The following LRMDA variants were observed in gnomAD, a reference collection of about 807,000 sequenced individuals.
LRMDA encodes leucine rich melanocyte differentiation associated.
Under a neutral mutation model 29.8 loss-of-function variants are expected in LRMDA, and 18 were observed. That is an observed-to-expected ratio of 0.60 (90% CI 0.42 to 0.90). The LOEUF (loss-of-function observed/expected upper bound fraction) is 0.90. Ranked by LOEUF, LRMDA falls within the 40% of genes least tolerant of loss-of-function variation. The pLI is 0.00. For missense variants in LRMDA, 273 were observed against 273.9 expected (o/e 1.00, Z 0.02); for synonymous variants, 125 against 109.4 (o/e 1.14, Z -0.89).
At chr10:75,514,422 T>A (rs1160473961) in intron 2 of LRMDA, among the ~76,000 whole-genome samples, 1 of 152,046 alleles carries the variant, frequency 6.6e-6, no homozygotes. Context: ...TTGAAGAGGC[T>A]GGAGCAGTGG....
intron 2 of LRMDA, among the ~76,000 whole-genome samples, chr10:75,793,172 A>G (rs189849201): frequency 1.3e-5 from 2 of 152,322 alleles, no homozygotes; most frequent in East Asian, 1.9e-4. Context: ...GCCTGACACA[A>G]TTGAGCTGGT....
At chr10:75,595,474 C>T (rs180748860) in intron 2 of LRMDA, among the ~76,000 whole-genome samples, 180 of 151,518 alleles carry the variant, frequency 1.2e-3, no homozygotes, top group African/African-American at 4.2e-3. Context: ...ATGTTTTGGG[C>T]CAGAGTCTTC....
intron 2 of LRMDA, among the ~76,000 whole-genome samples, chr10:75,872,431 G>A (rs567997591): frequency 1.3e-5 from 2 of 152,154 alleles, no homozygotes; most frequent in African/African-American, 2.4e-5. Context: ...AGCCTCCCGC[G>A]TAGCTGGGAC....
intron 2 of LRMDA, among the ~76,000 whole-genome samples, chr10:75,826,255 A>T (rs988919695): frequency 6.6e-6 from 1 of 152,058 alleles, no homozygotes; most frequent in Non-Finnish European, 1.5e-5. Context: ...GGAGTCTCAA[A>T]AAGGTTAATG....
chr10:75,566,694 C>T (rs1171557977), intron 2 of LRMDA, among the ~76,000 whole-genome samples: 1 of 152,054 alleles, frequency 6.6e-6, no homozygotes, highest in Admixed American at 6.6e-5. Context: ...TTTCTGGCTG[C>T]TTTTTTTCTT....
intron 6 of LRMDA, among the ~76,000 whole-genome samples, chr10:76,388,476 G>GAGGAT (rs2132480507): frequency 6.6e-6 from 1 of 152,340 alleles, no homozygotes; most frequent in African/African-American, 2.4e-5. Context: ...ACCCACAGAT[G>GAGGAT]AGGATTTCTA....
chr10:75,913,410 C>T (rs910646129), intron 2 of LRMDA, among the ~76,000 whole-genome samples: 2 of 151,946 alleles, frequency 1.3e-5, no homozygotes, highest in East Asian at 1.9e-4. Context: ...GAGCCAAGAT[C>T]GCGCCACTGC....
intron 2 of LRMDA, among the ~76,000 whole-genome samples, chr10:75,840,903 T>G (rs184724516): frequency 2.1e-4 from 32 of 152,386 alleles, no homozygotes; most frequent in Admixed American, 2.0e-3. Flanking sequence ...CCATGGCAGC[T>G]GTCTGCCTAT....
At chr10:75,914,179 A>G (rs1845892266) in intron 2 of LRMDA, among the ~76,000 whole-genome samples, 1 of 152,244 alleles carries the variant, frequency 6.6e-6, no homozygotes, top group Admixed American at 6.5e-5. Context: ...AAACACATGC[A>G]ACGCATACTT....
At chr10:75,504,907 A>T (rs1227189921) in intron 2 of LRMDA, among the ~76,000 whole-genome samples, 1 of 152,134 alleles carries the variant, frequency 6.6e-6, no homozygotes, top group East Asian at 1.9e-4. Flanking sequence ...CTGGCTACAG[A>T]GTGGATAAAT....
chr10:75,564,651 G>C (rs1467293875), intron 2 of LRMDA, among the ~76,000 whole-genome samples: 1 of 152,170 alleles, frequency 6.6e-6, no homozygotes, highest in Non-Finnish European at 1.5e-5. Context: ...CTGTAGACCG[G>C]AGCTGTTCCT....
chr10:75,827,954 A>T lies in LRMDA; in HGVS notation c.132-208054A>T, dbSNP rs115576843. Reference sequence around the variant, plus strand: ...GTCTGGGCTTTCTGAGAACTACAGCATAAGAGCCGGCATTGCTGATGGGCA... The same window carrying T: ...GTCTGGGCTTTCTGAGAACTACAGCTTAAGAGCCGGCATTGCTGATGGGCA... On this transcript the variant is annotated intron_variant, in intron 2 of 6. Coordinates refer to ENST00000611255, the MANE Select transcript of LRMDA (RefSeq NM_001305581.2). 3.6e-3 allele frequency among the ~76,000 whole-genome samples: 552 copies of T among 152,292 alleles called. 4 individuals are homozygous for T. The highest frequency in any genetic ancestry group is 0.013 in the African/African-American group (525 of 41,562).
chr10:75,670,250 G>A (rs1029518907), intron 2 of LRMDA, among the ~76,000 whole-genome samples: 13 of 152,182 alleles, frequency 8.5e-5, no homozygotes, highest in African/African-American at 2.9e-4. Context: ...AACTTGCAAT[G>A]TATGTTTACT....
rs1842886380 is a variant in LRMDA, at chr10:76,497,558, A to G, written c.602-59651A>G. On this transcript the variant is annotated intron_variant, in intron 6 of 6. Coordinates refer to ENST00000611255, the MANE Select transcript of LRMDA (RefSeq NM_001305581.2). ...TGACTCTATTCAGTAGAGAGATGGC[A>G]AAAGTGTGAAATTGTATTCTCTTCC... Among the ~76,000 whole-genome samples, 2 of 75,768 alleles carry G rather than the reference A, an allele frequency of 2.6e-5. 1 individual carries two copies. The highest frequency in any genetic ancestry group is 2.5e-4 in the Admixed American group (2 of 8,128). 49.7% of individuals were successfully genotyped at this position (75,768 alleles called of 152,430 possible).
chr10:76,039,484 C>T (rs914984120), intron 3 of LRMDA, among the ~76,000 whole-genome samples: 3 of 151,974 alleles, frequency 2.0e-5, no homozygotes, highest in Non-Finnish European at 2.9e-5. Flanking sequence ...GGTTATTCAC[C>T]CCACCTACCA....
intron 2 of LRMDA, among the ~76,000 whole-genome samples, chr10:75,657,380 C>T (rs1841690215): frequency 6.6e-6 from 1 of 152,096 alleles, no homozygotes; most frequent in African/African-American, 2.4e-5. Context: ...GAATGGAAGG[C>T]AAGGGTGAAA....
At chr10:76,147,011 T>C in intron 5 of LRMDA, among the ~76,000 whole-genome samples, 2 of 152,194 alleles carry the variant, frequency 1.3e-5, no homozygotes, top group Non-Finnish European at 2.9e-5. Flanking sequence ...TGAATATTGG[T>C]CCCCACTCTC....
At chr10:75,848,200 G>A (rs943189194) in intron 2 of LRMDA, among the ~76,000 whole-genome samples, 7 of 152,150 alleles carry the variant, frequency 4.6e-5, no homozygotes, top group Admixed American at 4.6e-4. Context: ...AGAAAATGTG[G>A]TATGAAATGT....
chr10:75,825,320 A>G (rs1407892162), intron 2 of LRMDA, among the ~76,000 whole-genome samples: 1 of 152,200 alleles, frequency 6.6e-6, no homozygotes, highest in Non-Finnish European at 1.5e-5. Flanking sequence ...ATTCCTGCCA[A>G]CACAGGGCAA....
Sources: allele counts gnomAD v4.1 joint callset (sites outside exome capture counted in the v4.1 genomes callset), GRCh38; gene constraint gnomAD v4.1.1; transcripts MANE v1.5; gene names NCBI Gene and HGNC (gene_info 2026-07-23, HGNC 2026-07-21).